DLGAP1: variants seen among roughly 807,000 people sequenced by gnomAD.
The protein encoded by DLGAP1 is DLG associated protein 1, also known as disks large-associated protein 1.
A neutral mutation model predicts 90.8 loss-of-function variants in DLGAP1; 11 were observed. That is an observed-to-expected ratio of 0.12 (90% CI 0.08 to 0.20). The LOEUF is 0.20. Among genes scored for constraint, DLGAP1 ranks in the 10% least tolerant of loss-of-function variants. DLGAP1 has a pLI of 1.00. For synonymous variants in DLGAP1, 558 were observed against 540.7 expected (o/e 1.03, Z -0.44); for missense variants, 1,050 against 1,333.8 (o/e 0.79, Z 3.31).
intron 5 of DLGAP1, among the ~76,000 whole-genome samples, chr18:3,811,940 C>T (rs568215610): frequency 8.5e-5 from 13 of 152,308 alleles, no homozygotes; most frequent in Non-Finnish European, 1.3e-4. Context: ...CTACATCTTT[C>T]TGTTCTCCTC....
chr18:4,091,010 C>T (rs186382427), intron 2 of DLGAP1, among the ~76,000 whole-genome samples: 9 of 152,272 alleles, frequency 5.9e-5, no homozygotes, highest in East Asian at 3.9e-4. Context: ...GCAAACACTG[C>T]GTGTTCTCAT....
At chr18:3,932,179 T>C (rs1206251688) in intron 3 of DLGAP1, among the ~76,000 whole-genome samples, 1 of 152,184 alleles carries the variant, frequency 6.6e-6, no homozygotes, top group Admixed American at 6.5e-5. Context: ...CAATATCCAT[T>C]TGGGAAGGGC....
chr18:4,372,414 A>G (rs1249731745), intron 1 of DLGAP1, among the ~76,000 whole-genome samples: 1 of 152,230 alleles, frequency 6.6e-6, no homozygotes, highest in East Asian at 1.9e-4. Context: ...ATGATGGTGA[A>G]TACTCAATAA....
At chr18:3,551,752 CTTCCTTCCTTCCTTCCTTCT>C (rs1479127293) in intron 9 of DLGAP1, among the ~76,000 whole-genome samples, 1 of 85,272 alleles carries the variant, frequency 1.2e-5, no homozygotes, top group Non-Finnish European at 2.2e-5. Flanking sequence ...TCCTTCCTTC[CTTCCTTCCTTCCTTCCTTCT>C]TTCCTTCCTT....
At chr18:3,535,088 GT>G (rs1423005707) in intron 9 of DLGAP1, among the ~76,000 whole-genome samples, 5 of 151,608 alleles carry the variant, frequency 3.3e-5, no homozygotes, top group African/African-American at 1.2e-4. Context: ...GTGTGTGTGT[GT>G]GTGTGTGTGT....
intron 3 of DLGAP1, among the ~76,000 whole-genome samples, chr18:3,953,359 A>G (rs1359253859): frequency 6.6e-6 from 1 of 152,084 alleles, no homozygotes; most frequent in Non-Finnish European, 1.5e-5. Flanking sequence ...TATAGTCTCC[A>G]GTGTTTATTA....
intron 1 of DLGAP1, among the ~76,000 whole-genome samples, chr18:4,343,159 T>G (rs1273203063): frequency 6.6e-6 from 1 of 151,468 alleles, no homozygotes; most frequent in Admixed American, 6.6e-5. Context: ...TACAAAAAAT[T>G]AGCCGGGCGT....
At chr18:3,687,272 C>G (rs902254893) in intron 7 of DLGAP1, among the ~76,000 whole-genome samples, 3 of 152,328 alleles carry the variant, frequency 2.0e-5, no homozygotes, top group Non-Finnish European at 4.4e-5. Context: ...CTCTCTTACA[C>G]TTTTGTATTC....
At chr18:3,790,290 CA>C (rs2065671249) in intron 5 of DLGAP1, among the ~76,000 whole-genome samples, 1 of 145,648 alleles carries the variant, frequency 6.9e-6, no homozygotes, top group Admixed American at 7.0e-5. Flanking sequence ...TTTTTTGAGA[CA>C]GGATCTTACT....
rs561554398 is a variant in DLGAP1 at position 4,416,404 on chromosome 18, T to C, written c.-267+38602A>G. ...CATTTTATTAATAACAATTTTGAAT[T>C]CCTTTTATTCATGAAAAATAAAGGA... On this transcript the variant is annotated intron_variant, in intron 1 of 12. Coordinates refer to ENST00000315677, the MANE Select transcript of DLGAP1 (RefSeq NM_004746.4). 2.2e-3 allele frequency among the ~76,000 whole-genome samples: 330 copies of C among 152,348 alleles called. 1 individual carries two copies. The highest frequency in any genetic ancestry group is 7.2e-3 in the African/African-American group (300 of 41,586).
intron 1 of DLGAP1, among the ~76,000 whole-genome samples, chr18:4,417,823 T>A (rs1243345540): frequency 1.3e-5 from 2 of 152,090 alleles, no homozygotes; most frequent in African/African-American, 4.8e-5. Context: ...CACTTCAATA[T>A]CGAGGGATAC....
intron 1 of DLGAP1, among the ~76,000 whole-genome samples, chr18:4,338,525 T>C (rs1445575515): frequency 6.6e-6 from 1 of 152,206 alleles, no homozygotes; most frequent in Non-Finnish European, 1.5e-5. Flanking sequence ...TTCCTAAATG[T>C]GTACTGAGTG....
intron 3 of DLGAP1, among the ~76,000 whole-genome samples, chr18:3,894,528 GT>G (rs1389962267): frequency 6.6e-6 from 1 of 152,026 alleles, no homozygotes; most frequent in Non-Finnish European, 1.5e-5. Context: ...TCTGGGTTTT[GT>G]TTTTTGTTCC....
chr18:3,627,668 A>G (rs185760238), intron 7 of DLGAP1, among the ~76,000 whole-genome samples: 23 of 151,596 alleles, frequency 1.5e-4, no homozygotes, highest in Non-Finnish European at 2.7e-4. Context: ...TCTCTGCTAT[A>G]TATATTTTTA....
intron 3 of DLGAP1, among the ~76,000 whole-genome samples, chr18:3,906,744 TAGAA>T (rs1309633929): frequency 2.6e-5 from 4 of 152,230 alleles, no homozygotes; most frequent in Non-Finnish European, 4.4e-5. Context: ...GGTGAAAATT[TAGAA>T]AGATTCTGGA....
intron 3 of DLGAP1, among the ~76,000 whole-genome samples, chr18:3,887,951 A>G (rs1187344767): frequency 6.6e-6 from 1 of 151,762 alleles, no homozygotes; most frequent in Non-Finnish European, 1.5e-5. Flanking sequence ...TACTAAAAAT[A>G]CAAAAAATTA....
intron 2 of DLGAP1, among the ~76,000 whole-genome samples, chr18:4,115,990 C>T (rs2076057787): frequency 6.6e-6 from 1 of 152,170 alleles, no homozygotes; most frequent in Non-Finnish European, 1.5e-5. Flanking sequence ...TATTAGCACT[C>T]TTTCTTTTCT....
intron 1 of DLGAP1, among the ~76,000 whole-genome samples, chr18:4,411,468 TG>T (rs2082775714): frequency 6.6e-6 from 1 of 152,162 alleles, no homozygotes; most frequent in South Asian, 2.1e-4. Flanking sequence ...AGAAAGTCAA[TG>T]AAAAACTGAA....
At chr18:4,145,324 C>T (rs923847884) in intron 2 of DLGAP1, among the ~76,000 whole-genome samples, 1 of 152,066 alleles carries the variant, frequency 6.6e-6, no homozygotes, top group Non-Finnish European at 1.5e-5. Flanking sequence ...TTTTTAGTTT[C>T]TAAATTATTT....
Sources: allele counts gnomAD v4.1 joint callset (sites outside exome capture counted in the v4.1 genomes callset), GRCh38; gene constraint gnomAD v4.1.1; transcripts MANE v1.5; gene names NCBI Gene and HGNC (gene_info 2026-07-23, HGNC 2026-07-21).